The following MUC6 variants were observed in gnomAD, a reference collection of about 807,000 sequenced individuals.
The protein encoded by MUC6 is mucin-6.
In MUC6, 188 loss-of-function variants were observed where a neutral mutation model predicts 201.5. That is an observed-to-expected ratio of 0.93 (90% CI 0.83 to 1.05). The LOEUF is 1.05. Ranked by LOEUF, MUC6 falls within the 50% of genes least tolerant of loss-of-function variation. MUC6 has a pLI of 0.00. For missense variants in MUC6, 2,706 were observed against 3,256.9 expected (o/e 0.83, Z 4.12); for synonymous variants, 1,228 against 1,389.4 (o/e 0.88, Z 2.58).
At chr11:1,029,758 C>T in intron 8 of MUC6, 143 bp from the exon 9 acceptor site, 1 of 1,210,610 alleles carries the variant, frequency 8.3e-7, no homozygotes, top group East Asian at 2.7e-5. Context: ...GCCCCTCCAG[C>T]CTGGCTCCAG....
intron 26 of MUC6, among the ~76,000 whole-genome samples, chr11:1,021,796 C>T (rs1292964028): frequency 6.6e-6 from 1 of 152,108 alleles, no homozygotes; most frequent in African/African-American, 2.4e-5. Context: ...GACACTGGCC[C>T]CTCTTCTGTG....
chr11:1,029,578 G>A lies in MUC6; in HGVS notation c.1053C>T (p.Cys351=), dbSNP rs763028448. 1.7e-5 allele frequency: 27 copies of A among 1,608,852 alleles called. No individual in the cohort carries two copies. In the South Asian group the frequency reaches 2.0e-4, roughly 12 times the overall value. ...VLNDLSNNHT[C]VPVTQCPCVL... ...CACAGGGGCACTGGGTGACGGGCAC[G>A]CAGGTGTGGTTATTGGAGAGGTCAT... Residue 351 remains cysteine (C), a synonymous_variant, in exon 9 of 33, where the codon TGC becomes TGT. Coordinates refer to ENST00000421673, the MANE Select transcript of MUC6 (RefSeq NM_005961.3).
rs200035476 is a variant in MUC6, at chr11:1,026,400, C to T, written c.2473G>A (p.Glu825Lys). Residue 825 changes from glutamate (E) to lysine (K), a missense_variant, in exon 20 of 33, where the codon GAG becomes AAG. Coordinates refer to ENST00000421673, the MANE Select transcript of MUC6 (RefSeq NM_005961.3). ...CCCGAGAACTCACATGGGCACTCCT[C>T]GGGGGGCACACACTGCCCGTCGGCA... is the stretch of plus-strand genomic sequence containing the variant. ...ENADGQCVPP[E>K]ECPCEFSGVS... 50 of 1,608,594 alleles carry T rather than the reference C, an allele frequency of 3.1e-5. No homozygotes were observed. The highest frequency in any genetic ancestry group is 6.7e-5 in the Admixed American group (4 of 59,530).
chr11:1,023,055 GTGAATGAGCGTGAATATGT>G (rs1270682517), intron 26 of MUC6, among the ~76,000 whole-genome samples: 1 of 149,980 alleles, frequency 6.7e-6, no homozygotes, highest in East Asian at 2.0e-4. Flanking sequence ...GTGAATGAAT[GTGAATGAGCGTGAATATGT>G]TGAATGAGTG....
rs747251171 is a variant in MUC6 at position 1,018,506 on chromosome 11, G to A, written c.4295C>T (p.Thr1432Ile). ...CTCAGGGTGTGATGGGGTTGGATAG[G>A]TAGTGGTGGCATGGAAAGATGTTGC... ...VTATSFHATT[T>I]YPTPSHPETT... The change falls in exon 31 of 33, where the codon ACC becomes ATC. Residue 1432 changes from threonine to isoleucine, a missense_variant. By Grantham distance (89) the Thr-to-Ile change is moderately conservative. This residue lies in a region of MUC6 where 128 missense variants were observed against 206.5 expected (regional missense o/e 0.62). Coordinates refer to ENST00000421673, the MANE Select transcript of MUC6 (RefSeq NM_005961.3). 3 of 1,613,910 alleles carry A rather than the reference G, an allele frequency of 1.9e-6. No homozygotes were observed. Among genetic ancestry groups the A allele is most frequent in the East Asian group, 2.2e-5 (1 of 44,880 alleles).
At position 1,036,697 on chromosome 11, in the gene MUC6, T is replaced by G; in HGVS notation, c.-42A>C. The G allele has an allele frequency of 6.5e-7, 1 of 1,538,032 alleles. No homozygotes were observed. Among genetic ancestry groups the G allele is most frequent in the Non-Finnish European group, 8.7e-7 (1 of 1,143,048 alleles). On this transcript the variant is annotated 5_prime_UTR_variant, in exon 1 of 33. Coordinates refer to ENST00000421673, the MANE Select transcript of MUC6 (RefSeq NM_005961.3). The stretch of plus-strand genomic sequence containing the variant: ...GAGCTCGCGCTGGGCCCGGCAGGCC[T>G]GCTGCTGCCATCCATGCGGCTCCAA...
Position 1,033,013 on chromosome 11 carries a change from C to T in MUC6, c.115G>A (p.Ala39Thr), listed in dbSNP as rs746295147. 4.3e-5 allele frequency: 68 copies of T among 1,593,944 alleles called. 1 individual carries two copies. The South Asian group carries it at 6.1e-4, about 14-fold the overall frequency. The change falls in exon 2 of 33, where the codon GCC becomes ACC. Residue 39 changes from alanine (A) to threonine (T), a missense_variant and splice_region_variant. This residue lies in a region of MUC6 where 1,850 missense variants were observed against 1,958.3 expected (regional missense o/e 0.94). Coordinates refer to ENST00000421673, the MANE Select transcript of MUC6 (RefSeq NM_005961.3). The surrounding 1 kb of genome is among the most constrained non-coding windows in gnomAD (Gnocchi z 5.6). The stretch of plus-strand genomic sequence containing the variant: ...GGATCAGTGGCCGCTGTGTTCTTAC[C>T]TGTCTGTGGAGAGTCCTTCAGCCTC... ...LQRLKDSPQTAPDKGQCSTWG... is the reference protein window; with the variant it reads ...LQRLKDSPQTTPDKGQCSTWG...
At chr11:1,029,193 GC>G (rs751400204) in intron 10 of MUC6, 34 bp downstream of exon 10, 1 of 1,605,684 alleles carries the variant, frequency 6.2e-7, no homozygotes. Context: ...GTCACCGGGA[GC>G]GCCCCTCCCC....
In MUC6 at chr11:1,016,190, G is replaced by T. The variant is rs1222985527; in HGVS notation, c.6611C>A (p.Ala2204Asp). ...GAGAGTGGCCCTAATGGTAGTAGAG[G>T]CAGCTGGAGAAGAAGGAAAAAGAGG... is the stretch of plus-strand genomic sequence containing the variant. ...ASPLFPSSPA[A>D]STTIRATLPH... The change falls in exon 31 of 33, where the codon GCC becomes GAC. Residue 2204 changes from alanine (A) to aspartate (D), a missense_variant. Transcript: ENST00000421673. 6.2e-7 allele frequency: 1 copy of T among 1,613,440 alleles called. No homozygotes were observed. Among genetic ancestry groups the T allele is most frequent in the Non-Finnish European group, 8.5e-7 (1 of 1,179,742 alleles).
intron 7 of MUC6, 30 bp from the exon 8 acceptor site, chr11:1,030,365 G>A (rs1409701314): frequency 1.3e-6 from 2 of 1,538,662 alleles, no homozygotes; most frequent in Non-Finnish European, 1.8e-6. Flanking sequence ...CGGTGAGAGG[G>A]TCCCACCCCC....
At position 1,025,822 on chromosome 11, in the gene MUC6, T is replaced by C. The variant is rs1428434731; in HGVS notation, c.2782A>G (p.Ile928Val). Reference protein sequence around the residue: ...GNSGVTCSRAIKIFLGGLSVV... With the variant: ...GNSGVTCSRAVKIFLGGLSVV... Reference sequence around the variant, plus strand: ...CTGCTCACCCCCAGGAAGATCTTGATGGCCCGTGAGCATGTGACCCCGGAG... The same window carrying C: ...CTGCTCACCCCCAGGAAGATCTTGACGGCCCGTGAGCATGTGACCCCGGAG... Residue 928 changes from isoleucine to valine, a missense_variant, in exon 22 of 33, where the codon ATC (isoleucine) becomes GTC (valine). Physicochemically the swap from Ile to Val is conservative, Grantham distance 29. This residue lies in a region of MUC6 where 1,850 missense variants were observed against 1,958.3 expected (regional missense o/e 0.94). Transcript: ENST00000421673. 6.2e-7 allele frequency: 1 copy of C among 1,612,520 alleles called. No homozygotes were observed. Among genetic ancestry groups the C allele is most frequent in the South Asian group, 1.1e-5 (1 of 90,956 alleles).
chr11:1,013,848 GT>G (rs1564829614), intron 32 of MUC6, 50 bp downstream of exon 32: 2 of 1,545,892 alleles, frequency 1.3e-6, no homozygotes, highest in Admixed American at 1.9e-5. Flanking sequence ...CTGGGGTGGG[GT>G]TGTGAGCACC....
In MUC6 at chr11:1,013,929, C is replaced by T. The variant is rs200437289; in HGVS notation, c.7112G>A (p.Arg2371His). 390 of 1,607,322 alleles carry T rather than the reference C, an allele frequency of 2.4e-4. No individual in the cohort carries two copies. Among genetic ancestry groups the T allele is most frequent in the Admixed American group, 3.4e-4 (20 of 59,400 alleles). ...KGCMANVTVT[R>H]CEGACISAAS... ...AGCGGAAATGCAGGCGCCCTCACAGCGGGTTACCGTCACGTTCGCCATGCA... is the reference window on the plus strand; with the variant it reads ...AGCGGAAATGCAGGCGCCCTCACAGTGGGTTACCGTCACGTTCGCCATGCA... The change falls in exon 32 of 33, where the codon CGC becomes CAC. Residue 2371 changes from arginine to histidine, a missense_variant. By Grantham distance (29) the Arg-to-His change is conservative (BLOSUM62 0). Transcript: ENST00000421673.
At chr11:1,021,064 A>G (rs1856794318) in intron 27 of MUC6, 151 bp downstream of exon 27, 3 of 815,624 alleles carry the variant, frequency 3.7e-6, no homozygotes, top group Admixed American at 3.1e-5. Flanking sequence ...CTGGAGACCC[A>G]AGGGGCCAGG....
chr11:1,023,813 AG>A, intron 25 of MUC6, 133 bp downstream of exon 25: 1 of 1,440,944 alleles, frequency 6.9e-7, no homozygotes, highest in East Asian at 2.5e-5. Context: ...CGGGAGGGCC[AG>A]GGTGGCCCCG....
At chr11:1,014,896 ACCTC>A (rs1404521698) in intron 31 of MUC6, among the ~76,000 whole-genome samples, 2 of 151,868 alleles carry the variant, frequency 1.3e-5, no homozygotes, top group Non-Finnish European at 2.9e-5. Flanking sequence ...TCTTGGGGTC[ACCTC>A]CCTGGTTACA....
intron 22 of MUC6, 117 bp downstream of exon 22, chr11:1,025,688 G>A (rs930720723): frequency 1.2e-5 from 12 of 1,006,832 alleles, no homozygotes; most frequent in South Asian, 5.7e-5. Context: ...AGGAGAGGCA[G>A]GCGGGGAGGG....
Position 1,013,542 on chromosome 11 carries a change from C to A in MUC6, c.7234G>T (p.Asp2412Tyr). Residue 2412 changes from aspartate (D) to tyrosine (Y), a missense_variant, in exon 33 of 33, where the codon GAT (aspartate) becomes TAT (tyrosine). Physicochemically the swap from Asp to Tyr is radical, Grantham distance 160 (BLOSUM62 -3). Around this residue, in one of 10 missense-constraint regions of MUC6, gnomAD observed 586 missense variants for 488.0 expected, o/e 1.20. Coordinates refer to ENST00000421673, the MANE Select transcript of MUC6 (RefSeq NM_005961.3). Reference protein sequence around the residue: ...YEQQLELPCPDPSTPGRRLVL... With the variant: ...YEQQLELPCPYPSTPGRRLVL... ...AGCCGCCGGCCAGGCGTGCTGGGAT[C>A]GGGGCAGGGCAGCTCCAGCTGCTGC... The A allele has an allele frequency of 1.9e-6, 3 of 1,578,276 alleles. No homozygotes were observed. Among genetic ancestry groups the A allele is most frequent in the Non-Finnish European group, 1.7e-6 (2 of 1,163,740 alleles).
chr11:1,023,637 AAGCCGCAGTAGATGGCTGGGAGGAAGGG>A lies in MUC6; in HGVS notation c.3383-13_3397del, dbSNP rs777245992. On this transcript the variant is annotated splice_acceptor_variant and splice_polypyrimidine_tract_variant and coding_sequence_variant and intron_variant, in exon 26 of 33. Transcript: ENST00000421673. LOFTEE classifies it high-confidence loss of function. ...GCCGTCCTGCGTGTGCGTGTTGTAG[AAGCCGCAGTAGATGGCTGGGAGGAAGGG>A]AGCTGTCAGCTGGTGGGGTTCCTGG... is the stretch of plus-strand genomic sequence containing the variant. The A allele has an allele frequency of 6.2e-7, 1 of 1,612,576 alleles. No homozygotes were observed. Among genetic ancestry groups the A allele is most frequent in the South Asian group, 1.1e-5 (1 of 91,008 alleles).
Sources: allele counts gnomAD v4.1 joint callset (sites outside exome capture counted in the v4.1 genomes callset), GRCh38; gene constraint gnomAD v4.1.1; regional missense constraint gnomAD v4.1.1; non-coding constraint Gnocchi (gnomAD v3.1); transcripts MANE v1.5; gene names NCBI Gene and HGNC (gene_info 2026-07-23, HGNC 2026-07-21).